Variants in NUP153 observed in about 807,000 individuals in gnomAD.
NUP153 encodes nuclear pore complex protein Nup153.
NUP153 carries 27 observed loss-of-function variants against 134.6 expected under a neutral mutation model. The observed-to-expected ratio is 0.20, with a 90% confidence interval of 0.15 to 0.28. The LOEUF (loss-of-function observed/expected upper bound fraction) is 0.28, where lower values mean the gene tolerates loss of function less well. Ranked by LOEUF, NUP153 falls within the 10% of genes least tolerant of loss-of-function variation. NUP153 has a pLI of 1.00. For missense variants in NUP153, 1,821 were observed against 1,731.3 expected (o/e 1.05, Z -0.92); for synonymous variants, 640 against 623.5 (o/e 1.03, Z -0.40).
intron 2 of NUP153, among the ~76,000 whole-genome samples, chr6:17,688,125 AAAAAAAAGAAAG>A (rs1397445149): frequency 6.6e-6 from 1 of 152,050 alleles, no homozygotes; most frequent in Non-Finnish European, 1.5e-5. Flanking sequence ...CTCAAAAAAC[AAAAAAAAGAAAG>A]AAAAAAAGAA....
intron 8 of NUP153, 31 bp from the exon 9 acceptor site, chr6:17,665,416 A>G: frequency 6.4e-7 from 1 of 1,559,596 alleles, no homozygotes; most frequent in Non-Finnish European, 8.7e-7. Context: ...AAAAACATTT[A>G]TTTTCATATA....
At chr6:17,703,877 T>G (rs1770285065) in intron 1 of NUP153, among the ~76,000 whole-genome samples, 3 of 152,136 alleles carry the variant, frequency 2.0e-5, no homozygotes, top group African/African-American at 7.2e-5. Flanking sequence ...TTATCAAGAT[T>G]TAAAACAAAA....
chr6:17,655,764 A>AT (rs1428580385), intron 11 of NUP153, among the ~76,000 whole-genome samples: 2 of 152,178 alleles, frequency 1.3e-5, no homozygotes, highest in South Asian at 2.1e-4. Flanking sequence ...CAATCTTTTA[A>AT]TTTTTTACCA....
At chr6:17,698,911 T>TA (rs1769855310) in intron 1 of NUP153, among the ~76,000 whole-genome samples, 1 of 151,214 alleles carries the variant, frequency 6.6e-6, no homozygotes, top group African/African-American at 2.4e-5. Flanking sequence ...TCACAGTAGT[T>TA]AAACTCACTA....
chr6:17,624,794 G>A lies in NUP153; in HGVS notation c.3941C>T (p.Ser1314Phe). The A allele has an allele frequency of 1.2e-6, 2 of 1,613,890 alleles. No homozygotes were observed. Among genetic ancestry groups the A allele is most frequent in the South Asian group, 2.2e-5 (2 of 91,058 alleles). ...GTTAGCACCAAATGCTGGACTGGCA[G>A]ATGGTGCTGAGGGTCCAGTTCCAAA... The part of the protein sequence containing the change: ...FVFGTGPSAP[S>F]ASPAFGANQT... Residue 1314 changes from serine to phenylalanine, a missense_variant, in exon 20 of 22, where the codon TCT becomes TTT. Ser to Phe is a radical substitution (Grantham distance 155). Coordinates refer to ENST00000262077, the MANE Select transcript of NUP153 (RefSeq NM_005124.4).
At chr6:17,669,660 G>T in intron 5 of NUP153, 114 bp from the exon 6 acceptor site, 2 of 708,958 alleles carry the variant, frequency 2.8e-6, no homozygotes, top group South Asian at 1.7e-5. Context: ...AGGATTTAAT[G>T]CATTAACAGC....
chr6:17,664,531 A>T (rs1561886372), intron 9 of NUP153, among the ~76,000 whole-genome samples: 1 of 152,186 alleles, frequency 6.6e-6, no homozygotes, highest in African/African-American at 2.4e-5. Flanking sequence ...GATATTAGAT[A>T]ATTTTAAGGA....
At chr6:17,698,465 G>A (rs1190681319) in intron 1 of NUP153, among the ~76,000 whole-genome samples, 7 of 152,080 alleles carry the variant, frequency 4.6e-5, no homozygotes, top group African/African-American at 7.2e-5. Flanking sequence ...GCAGCCGGGC[G>A]TGGTGGCTCA....
At chr6:17,687,492 T>A (rs891084161) in intron 2 of NUP153, among the ~76,000 whole-genome samples, 3 of 152,220 alleles carry the variant, frequency 2.0e-5, no homozygotes, top group African/African-American at 7.2e-5. Context: ...TAAAAGTAAG[T>A]GAACATTCAA....
intron 20 of NUP153, among the ~76,000 whole-genome samples, chr6:17,620,683 T>C (rs1167394745): frequency 6.6e-6 from 1 of 152,198 alleles, no homozygotes; most frequent in Non-Finnish European, 1.5e-5. Context: ...TTTTTTTTCT[T>C]GGCAATTTTC....
Position 17,706,144 on chromosome 6 carries a change from C to G in NUP153, c.111+133G>C. The G allele has an allele frequency of 1.4e-6, 1 of 718,180 alleles. No homozygotes were observed. The highest frequency in any genetic ancestry group is 2.4e-6 in the Non-Finnish European group (1 of 423,540). 44.5% of individuals were successfully genotyped at this position (718,180 alleles called of 1,614,324 possible). ...CGCCACCCCCAACGGCCTGAGCTCCCCCGGAGCCTCACTCGGGCCTTTCCT... is the reference window on the plus strand; with the variant it reads ...CGCCACCCCCAACGGCCTGAGCTCCGCCGGAGCCTCACTCGGGCCTTTCCT... On this transcript the variant is annotated intron_variant, in intron 1 of 21. Transcript: ENST00000262077. This position sits in a 1 kb window ranked among gnomAD's most constrained non-coding sequence, Gnocchi z 5.9.
At chr6:17,702,304 G>A (rs868053901) in intron 1 of NUP153, among the ~76,000 whole-genome samples, 4 of 152,080 alleles carry the variant, frequency 2.6e-5, no homozygotes, top group East Asian at 1.9e-4. Context: ...TCAGGAGATC[G>A]AGAACATCCT....
intron 14 of NUP153, among the ~76,000 whole-genome samples, chr6:17,643,498 C>T (rs1765966470): frequency 6.6e-6 from 1 of 152,114 alleles, no homozygotes. Flanking sequence ...CAAAAATAAC[C>T]ACCACTCGTA....
rs1043065073 is a variant in NUP153 at position 17,639,000 on chromosome 6, T to G, written c.1846+939A>C. 6.6e-6 allele frequency among the ~76,000 whole-genome samples: 1 copy of G among 152,190 alleles called. No homozygotes were observed. The highest frequency in any genetic ancestry group is 1.5e-5 in the Non-Finnish European group (1 of 68,036). On this transcript the variant is annotated intron_variant, in intron 15 of 21. Transcript: ENST00000262077. This position sits in a 1 kb window ranked among gnomAD's most constrained non-coding sequence, Gnocchi z 4.0. Reference sequence around the variant, plus strand: ...ACCTATCTTATTACACATGGACACATCTGGTGGGTACGTTTAAATTCTTTC... The same window carrying G: ...ACCTATCTTATTACACATGGACACAGCTGGTGGGTACGTTTAAATTCTTTC...
chr6:17,706,433 G>A lies in NUP153; in HGVS notation c.-46C>T, dbSNP rs1370888498. On this transcript the variant is annotated 5_prime_UTR_variant, in exon 1 of 22. Transcript: ENST00000262077. This position sits in a 1 kb window ranked among gnomAD's most constrained non-coding sequence, Gnocchi z 5.9. The stretch of plus-strand genomic sequence containing the variant: ...CCGCTCCGGGGCGGGTAAGGGGGCG[G>A]GAGAGGCAGAGGCGGAGGCCTTAGA... 1.3e-6 allele frequency: 2 copies of A among 1,512,218 alleles called. No homozygotes were observed. Among genetic ancestry groups the A allele is most frequent in the Non-Finnish European group, 1.8e-6 (2 of 1,098,988 alleles). 93.7% of individuals were successfully genotyped at this position (1,512,218 alleles called of 1,614,324 possible). A position where few individuals can be genotyped will look rare whatever the true frequency, so the allele number is the denominator to read the frequency against.
At chr6:17,687,688 T>C (rs1769017914) in intron 2 of NUP153, among the ~76,000 whole-genome samples, 1 of 152,146 alleles carries the variant, frequency 6.6e-6, no homozygotes, top group Non-Finnish European at 1.5e-5. Context: ...ATTTGAGACT[T>C]TAACATAGGG....
chr6:17,662,154 AT>A, intron 9 of NUP153, 84 bp from the exon 10 acceptor site: 1 of 1,224,680 alleles, frequency 8.2e-7, no homozygotes, highest in Non-Finnish European at 1.2e-6. Flanking sequence ...TAATTTTAAT[AT>A]TTAGAATCAG....
chr6:17,654,064 T>C (rs973208493), intron 11 of NUP153, among the ~76,000 whole-genome samples: 32 of 152,158 alleles, frequency 2.1e-4, no homozygotes, highest in African/African-American at 6.0e-4. Flanking sequence ...TAACACAAAA[T>C]GTTGGAATCT....
At position 17,628,037 on chromosome 6, in the gene NUP153, T is replaced by C. The variant is rs539140345; in HGVS notation, c.3544+618A>G. Among the ~76,000 whole-genome samples the C allele has an allele frequency of 9.2e-5, 14 of 152,198 alleles. No individual in the cohort carries two copies. The highest frequency in any genetic ancestry group is 3.4e-4 in the African/African-American group (14 of 41,444). Reference sequence around the variant, plus strand: ...CACTCTTTGTACTGGTGCACTAAGTTTGGGGAAATTCTAGTTCACTAATCT... The same window carrying C: ...CACTCTTTGTACTGGTGCACTAAGTCTGGGGAAATTCTAGTTCACTAATCT... On this transcript the variant is annotated intron_variant, in intron 18 of 21. Transcript: ENST00000262077. The surrounding 1 kb of genome is among the most constrained non-coding windows in gnomAD (Gnocchi z 5.4).
Sources: allele counts gnomAD v4.1 joint callset (sites outside exome capture counted in the v4.1 genomes callset), GRCh38; gene constraint gnomAD v4.1.1; non-coding constraint Gnocchi (gnomAD v3.1); transcripts MANE v1.5; gene names NCBI Gene and HGNC (gene_info 2026-07-23, HGNC 2026-07-21).